Variants in PRR16 observed in about 807,000 individuals in gnomAD.
PRR16 encodes the protein proline rich 16.
Under a neutral mutation model 18.2 loss-of-function variants are expected in PRR16, and 6 were observed. That is an observed-to-expected ratio of 0.33 (90% CI 0.18 to 0.65). The LOEUF (loss-of-function observed/expected upper bound fraction) is 0.65. Among genes scored for constraint, PRR16 ranks in the 30% least tolerant of loss-of-function variants. PRR16 has a pLI of 0.74. For synonymous variants in PRR16, 151 were observed against 147.8 expected (o/e 1.02, Z -0.16); for missense variants, 412 against 376.6 (o/e 1.09, Z -0.78).
the PRR16 span, among the ~76,000 whole-genome samples, chr5:120,754,541 A>AATATATATTATATAATATATTTATATTTT: frequency 1.1e-5 from 1 of 93,228 alleles, no homozygotes; most frequent in Non-Finnish European, 1.9e-5. Context: ...AATTATATGT[A>AATATATATTATATAATATATTTATATTTT]ATTATATATA....
At chr5:120,583,066 A>G (rs577441125) in intron 1 of PRR16, among the ~76,000 whole-genome samples, 2 of 152,318 alleles carry the variant, frequency 1.3e-5, no homozygotes, top group South Asian at 4.1e-4. Context: ...GCATCTTCAT[A>G]TTGCCTGGGC....
chr5:120,617,731 T>C (rs1429174354), intron 1 of PRR16, among the ~76,000 whole-genome samples: 2 of 152,116 alleles, frequency 1.3e-5, no homozygotes, highest in African/African-American at 2.4e-5. Flanking sequence ...ATTAAGACAA[T>C]AGTCTTTTTT....
chr5:120,484,389 T>C (rs1337670090), intron 1 of PRR16, among the ~76,000 whole-genome samples: 1 of 146,036 alleles, frequency 6.8e-6, no homozygotes, highest in Non-Finnish European at 1.5e-5. Context: ...ATATATATCA[T>C]TTATAATATA....
chr5:120,712,038 G>A, the PRR16 span, among the ~76,000 whole-genome samples: 2 of 152,118 alleles, frequency 1.3e-5, no homozygotes, highest in South Asian at 2.1e-4. Flanking sequence ...GTTTCTGACT[G>A]TATGTTTTTA....
chr5:120,638,716 T>C (rs1403858762), intron 1 of PRR16, among the ~76,000 whole-genome samples: 1 of 152,034 alleles, frequency 6.6e-6, no homozygotes, highest in Non-Finnish European at 1.5e-5. Context: ...ACAATACACA[T>C]GCGTAGCAAC....
intron 1 of PRR16, among the ~76,000 whole-genome samples, chr5:120,612,051 T>C (rs938948102): frequency 2.6e-5 from 4 of 152,186 alleles, no homozygotes; most frequent in Non-Finnish European, 5.9e-5. Flanking sequence ...GGAGATCATT[T>C]TGGGGCTTTA....
chr5:120,639,020 C>A (rs1434397160), intron 1 of PRR16, among the ~76,000 whole-genome samples: 3 of 152,004 alleles, frequency 2.0e-5, no homozygotes, highest in African/African-American at 7.2e-5. Context: ...TAACTATTGG[C>A]AAACAATATA....
chr5:120,699,191 G>T, the PRR16 span, among the ~76,000 whole-genome samples: 3 of 152,080 alleles, frequency 2.0e-5, no homozygotes, highest in East Asian at 5.8e-4. Context: ...TAGAATAGCA[G>T]ATGGAACACT....
At chr5:120,564,724 C>T (rs112520911) in intron 1 of PRR16, among the ~76,000 whole-genome samples, 137 of 152,238 alleles carry the variant, frequency 9.0e-4, no homozygotes, top group African/African-American at 3.0e-3. Flanking sequence ...TGGTGGCTCA[C>T]GCCTGTAATC....
At chr5:120,738,367 C>T in the PRR16 span, among the ~76,000 whole-genome samples, 1 of 151,728 alleles carries the variant, frequency 6.6e-6, no homozygotes, top group African/African-American at 2.4e-5. Flanking sequence ...TCTGGGGTTT[C>T]CAACCTAGAT....
chr5:120,605,362 T>G (rs1310586924), intron 1 of PRR16, among the ~76,000 whole-genome samples: 4 of 152,224 alleles, frequency 2.6e-5, no homozygotes, highest in Non-Finnish European at 4.4e-5. Context: ...TAGTGAAATT[T>G]TTATTTCCAC....
Position 120,557,447 on chromosome 5 carries a change from G to GT in PRR16, c.159+92803dup, listed in dbSNP as rs566814988. Among the ~76,000 whole-genome samples, 33 of 151,340 alleles carry GT rather than the reference G, an allele frequency of 2.2e-4. No homozygotes were observed. In the South Asian group the frequency reaches 4.2e-3, roughly 19 times the overall value. ...TACTTACATGATATTTGATTTTATT[G>GT]TATCTGTGTTCTTTTTGCAAATTGC... On this transcript the variant is annotated intron_variant, in intron 1 of 1. Coordinates refer to ENST00000407149, the MANE Select transcript of PRR16 (RefSeq NM_001300783.2).
rs10606917 is a variant in PRR16, at chr5:120,646,048, TTA to T, written c.160-39880_160-39879del. ...CAAATTACAAAAAAAAATACATATTTTATATATATATATATATATATATATAT... is the reference window on the plus strand; with the variant it reads ...CAAATTACAAAAAAAAATACATATTTTATATATATATATATATATATATAT... On this transcript the variant is annotated intron_variant, in intron 1 of 1. Coordinates refer to ENST00000407149, the MANE Select transcript of PRR16 (RefSeq NM_001300783.2). Among the ~76,000 whole-genome samples the T allele has an allele frequency of 6.4e-3, 671 of 104,982 alleles. 14 individuals are homozygous for T. Among genetic ancestry groups the T allele is most frequent in the African/African-American group, 0.019 (631 of 33,392 alleles). 68.9% of individuals were successfully genotyped at this position (104,982 alleles called of 152,430 possible). A position where few individuals can be genotyped will look rare whatever the true frequency, so the allele number is the denominator to read the frequency against.
the PRR16 span, among the ~76,000 whole-genome samples, chr5:120,699,044 A>G: frequency 6.6e-6 from 1 of 152,156 alleles, no homozygotes; most frequent in Admixed American, 6.5e-5. Context: ...GAAAGTGTCT[A>G]TTCAGACTAA....
At position 120,490,655 on chromosome 5, in the gene PRR16, C is replaced by G. The variant is rs1028277749; in HGVS notation, c.159+26010C>G. On this transcript the variant is annotated intron_variant, in intron 1 of 1. Coordinates refer to ENST00000407149, the MANE Select transcript of PRR16 (RefSeq NM_001300783.2). The stretch of plus-strand genomic sequence containing the variant: ...CTGAAGCCTTCTTCTCTCAACCTGT[C>G]AAAGTCATTCTCTGTGCAGCTTTGT... Among the ~76,000 whole-genome samples the G allele has an allele frequency of 5.9e-5, 9 of 152,336 alleles. No homozygotes were observed. In the East Asian group the frequency reaches 1.4e-3, roughly 23 times the overall value.
chr5:120,764,405 A>G, the PRR16 span, among the ~76,000 whole-genome samples: 2 of 151,978 alleles, frequency 1.3e-5, no homozygotes, highest in Non-Finnish European at 2.9e-5. Context: ...CCCTGGATAA[A>G]TCCCACTTGA....
At chr5:120,556,605 C>A (rs1438738975) in intron 1 of PRR16, among the ~76,000 whole-genome samples, 3 of 151,940 alleles carry the variant, frequency 2.0e-5, no homozygotes, top group Admixed American at 2.0e-4. Context: ...ATTTTCTCAA[C>A]AGTTTCATCT....
intron 1 of PRR16, among the ~76,000 whole-genome samples, chr5:120,490,824 G>T (rs1750006493): frequency 1.3e-5 from 2 of 152,260 alleles, no homozygotes; most frequent in South Asian, 2.1e-4. Flanking sequence ...CATACAGATG[G>T]GGTTTTGGTG....
intron 1 of PRR16, among the ~76,000 whole-genome samples, chr5:120,572,174 ATATTG>A (rs1460881930): frequency 2.0e-5 from 3 of 152,148 alleles, no homozygotes; most frequent in Non-Finnish European, 4.4e-5. Context: ...GGAGTCTCTC[ATATTG>A]TATTGGTCAA....
Sources: allele counts gnomAD v4.1 joint callset (sites outside exome capture counted in the v4.1 genomes callset), GRCh38; gene constraint gnomAD v4.1.1; transcripts MANE v1.5; gene names NCBI Gene and HGNC (gene_info 2026-07-23, HGNC 2026-07-21).